Variants in AMOTL1 observed in about 807,000 individuals in gnomAD.
AMOTL1 encodes angiomotin-like protein 1.
AMOTL1 carries 45 observed loss-of-function variants against 102.9 expected under a neutral mutation model. The ratio of observed to expected loss-of-function variants is 0.44; its 90% confidence interval spans 0.34 to 0.56. The LOEUF (loss-of-function observed/expected upper bound fraction) is 0.56, where lower values mean the gene tolerates loss of function less well. Among genes scored for constraint, AMOTL1 ranks in the 20% least tolerant of loss-of-function variants. AMOTL1 has a pLI of 0.01. For synonymous variants in AMOTL1, 481 were observed against 484.7 expected, an observed-to-expected ratio of 0.99 and a Z score of 0.10; for missense variants, 1,114 against 1,225.6, an observed-to-expected ratio of 0.91 and a Z score of 1.36.
chr11:94,816,073 C>CT (rs951519590), intron 3 of AMOTL1, among the ~76,000 whole-genome samples: 3 of 152,206 alleles, frequency 2.0e-5, no homozygotes, highest in African/African-American at 7.2e-5. Flanking sequence ...TACAATGAAA[C>CT]TTTTTTTAAG....
chr11:94,851,780 T>G (rs561937732), intron 7 of AMOTL1, among the ~76,000 whole-genome samples: 1 of 152,368 alleles, frequency 6.6e-6, no homozygotes, highest in Non-Finnish European at 1.5e-5. Flanking sequence ...ATGGTAGTGT[T>G]CCAACAGTGT....
intron 2 of AMOTL1, among the ~76,000 whole-genome samples, chr11:94,733,835 C>G (rs148758225): frequency 1.7e-3 from 263 of 152,308 alleles, no homozygotes; most frequent in African/African-American, 5.9e-3. Context: ...GGGACCTTTT[C>G]TTGTATGTAT....
At chr11:94,750,305 T>C (rs1223147301) in intron 3 of AMOTL1, among the ~76,000 whole-genome samples, 1 of 152,194 alleles carries the variant, frequency 6.6e-6, no homozygotes, top group Non-Finnish European at 1.5e-5. Flanking sequence ...GTGAACACCG[T>C]GATAATTGCT....
intron 3 of AMOTL1, among the ~76,000 whole-genome samples, chr11:94,808,478 TCAAA>T (rs1329390809): frequency 6.6e-6 from 1 of 152,250 alleles, no homozygotes; most frequent in Non-Finnish European, 1.5e-5. Flanking sequence ...AAAGTTTTTG[TCAAA>T]CAAGCCATTT....
At chr11:94,868,791 T>A (rs1342532326) in intron 11 of AMOTL1, among the ~76,000 whole-genome samples, 1 of 152,058 alleles carries the variant, frequency 6.6e-6, no homozygotes, top group East Asian at 1.9e-4. Context: ...GCAAGCATGG[T>A]CTCTGGAAAG....
chr11:94,843,234 A>G (rs1952342717), intron 6 of AMOTL1, among the ~76,000 whole-genome samples: 1 of 152,212 alleles, frequency 6.6e-6, no homozygotes, highest in Admixed American at 6.5e-5. Context: ...TAAAAAGTAG[A>G]TCGTGTTTCA....
chr11:94,835,409 C>G (rs1326913795), intron 6 of AMOTL1, among the ~76,000 whole-genome samples: 1 of 152,222 alleles, frequency 6.6e-6, no homozygotes, highest in East Asian at 1.9e-4. Flanking sequence ...TACCTCTTAC[C>G]ATTCTTAGCT....
At chr11:94,713,437 A>C (rs2135431514) in intron 1 of AMOTL1, among the ~76,000 whole-genome samples, 1 of 152,046 alleles carries the variant, frequency 6.6e-6, no homozygotes, top group Admixed American at 6.6e-5. Flanking sequence ...TTTGATAGGA[A>C]TCCTGTTAGA....
chr11:94,865,696 G>A (rs939406332), intron 10 of AMOTL1, among the ~76,000 whole-genome samples: 15 of 152,090 alleles, frequency 9.9e-5, no homozygotes, highest in African/African-American at 1.4e-4. Context: ...ATGTGGCCAC[G>A]GTCATTCTAA....
chr11:94,827,600 A>T (rs1951990152), intron 4 of AMOTL1, among the ~76,000 whole-genome samples: 1 of 152,196 alleles, frequency 6.6e-6, no homozygotes, highest in South Asian at 2.1e-4. Flanking sequence ...GCGGTTCATG[A>T]TATCTGTGGA....
intron 3 of AMOTL1, among the ~76,000 whole-genome samples, chr11:94,741,950 T>G (rs988613290): frequency 6.6e-6 from 1 of 152,236 alleles, no homozygotes; most frequent in African/African-American, 2.4e-5. Flanking sequence ...ACCCTGTCCC[T>G]GGTCAGCTTC....
intron 3 of AMOTL1, among the ~76,000 whole-genome samples, chr11:94,819,868 G>A (rs1342736463): frequency 6.6e-6 from 1 of 152,168 alleles, no homozygotes; most frequent in Non-Finnish European, 1.5e-5. Flanking sequence ...CTTGGCTTAG[G>A]TTGAAAGAAA....
chr11:94,770,345 A>G (rs2135514693), intron 1 of AMOTL1, among the ~76,000 whole-genome samples: 1 of 152,228 alleles, frequency 6.6e-6, no homozygotes, highest in African/African-American at 2.4e-5. Flanking sequence ...AGGGTGGAAA[A>G]GCACTGATTT....
chr11:94,783,807 G>A (rs1406600165), intron 1 of AMOTL1, among the ~76,000 whole-genome samples: 1 of 152,182 alleles, frequency 6.6e-6, no homozygotes, highest in Non-Finnish European at 1.5e-5. Flanking sequence ...GATGCTCACT[G>A]TCATATATCT....
intron 3 of AMOTL1, among the ~76,000 whole-genome samples, chr11:94,743,091 G>T (rs887696087): frequency 6.6e-6 from 1 of 152,194 alleles, no homozygotes; most frequent in African/African-American, 2.4e-5. Flanking sequence ...GGCTTGCAGG[G>T]TGATAGAGAA....
intron 3 of AMOTL1, among the ~76,000 whole-genome samples, chr11:94,809,391 A>G (rs1951630617): frequency 6.6e-6 from 1 of 152,234 alleles, no homozygotes; most frequent in South Asian, 2.1e-4. Context: ...GTGTAGGACT[A>G]GAAGGAATGT....
intron 3 of AMOTL1, among the ~76,000 whole-genome samples, chr11:94,817,212 A>G (rs989810453): frequency 6.6e-6 from 1 of 151,790 alleles, no homozygotes; most frequent in Non-Finnish European, 1.5e-5. Context: ...ATAAAGGTTT[A>G]TGCTTTTTTT....
upstream of AMOTL1, among the ~76,000 whole-genome samples, chr11:94,765,861 C>T (rs1043719339): frequency 4.6e-5 from 7 of 152,182 alleles, no homozygotes; most frequent in African/African-American, 1.4e-4. Flanking sequence ...TTCATCTCTC[C>T]TTTTCTCTAC....
At chr11:94,816,827 G>A (rs1446896670) in intron 3 of AMOTL1, among the ~76,000 whole-genome samples, 1 of 152,138 alleles carries the variant, frequency 6.6e-6, no homozygotes, top group Admixed American at 6.6e-5. Flanking sequence ...CACAGGGCCA[G>A]AAATTAAAAC....
Sources: gnomAD v4.1 joint callset for allele counts (sites outside exome capture counted in the v4.1 genomes callset) on GRCh38, gnomAD v4.1.1 for gene constraint, MANE v1.5 for transcripts, NCBI Gene and HGNC (gene_info 2026-07-23, HGNC 2026-07-21) for gene names.